NDST3: variants seen among roughly 807,000 people sequenced by gnomAD.
NDST3 encodes N-deacetylase and N-sulfotransferase 3.
Under a neutral mutation model 96.1 loss-of-function variants are expected in NDST3, and 58 were observed. The ratio of observed to expected loss-of-function variants is 0.60; its 90% CI spans 0.49 to 0.75. The LOEUF is 0.75. Ranked by LOEUF, NDST3 falls within the 30% of genes least tolerant of loss-of-function variation. The probability of loss-of-function intolerance (pLI) is 0.00; values close to 1 mark genes in which losing one functional copy is unlikely to be tolerated. For synonymous variants in NDST3, 333 were observed against 359.7 expected (o/e 0.93, Z 0.84); for missense variants, 788 against 1,034.2 (o/e 0.76, Z 3.27).
intron 9 of NDST3, among the ~76,000 whole-genome samples, chr4:118,236,204 C>A (rs1171292662): frequency 6.6e-6 from 1 of 152,184 alleles, no homozygotes; most frequent in Admixed American, 6.5e-5. Context: ...TAAAAAATCC[C>A]TTTTCCTCTA....
chr4:118,169,890 G>A (rs1735818516), intron 6 of NDST3, among the ~76,000 whole-genome samples: 1 of 152,070 alleles, frequency 6.6e-6, no homozygotes, highest in South Asian at 2.1e-4. Context: ...AAAACCAGGT[G>A]GCAGTGACTA....
chr4:118,138,624 G>A (rs569910896), intron 5 of NDST3, among the ~76,000 whole-genome samples: 1 of 152,202 alleles, frequency 6.6e-6, no homozygotes, highest in African/African-American at 2.4e-5. Flanking sequence ...GTCAAACTGT[G>A]TTCTTCTATT....
chr4:118,064,491 A>C (rs1283737826), intron 2 of NDST3, among the ~76,000 whole-genome samples: 2 of 152,142 alleles, frequency 1.3e-5, no homozygotes, highest in Non-Finnish European at 2.9e-5. Context: ...ACTGTTTATA[A>C]CCAAAGAAAT....
intron 3 of NDST3, 96 bp downstream of exon 3, chr4:118,105,201 A>G (rs906008358): frequency 1.3e-6 from 1 of 775,122 alleles, no homozygotes; most frequent in African/African-American, 1.8e-5. Flanking sequence ...TACATTCCCT[A>G]TGTTCCTCCC....
At chr4:118,097,160 A>AC (rs766393395) in intron 2 of NDST3, among the ~76,000 whole-genome samples, 8 of 151,904 alleles carry the variant, frequency 5.3e-5, no homozygotes, top group Non-Finnish European at 1.0e-4. Context: ...TTATCTGGGC[A>AC]CCCCATAGCT....
In NDST3 at chr4:118,143,637, A is replaced by G; in HGVS notation, c.1492A>G (p.Lys498Glu). The change falls in exon 6 of 14, where the codon AAG becomes GAG. Residue 498 changes from lysine (K) to glutamate (E), a missense_variant. Transcript: ENST00000296499. ...TCCAGGGGGTCCTAAAGAGCTGGAT[A>G]AGAGTATCCAAGGAGGAGAACTTTT... ...EYPGGPKELD[K>E]SIQGGELFFT... 6.2e-7 allele frequency: 1 copy of G among 1,608,666 alleles called. No homozygotes were observed. Among genetic ancestry groups the G allele is most frequent in the South Asian group, 1.1e-5 (1 of 89,310 alleles).
At chr4:118,188,214 A>G (rs189656850) in intron 6 of NDST3, among the ~76,000 whole-genome samples, 1 of 151,426 alleles carries the variant, frequency 6.6e-6, no homozygotes, top group Admixed American at 6.6e-5. Flanking sequence ...GGTTTAACAA[A>G]CCAAACATTG....
chr4:118,147,276 C>A (rs914693194), intron 6 of NDST3, among the ~76,000 whole-genome samples: 6 of 152,120 alleles, frequency 3.9e-5, no homozygotes, highest in African/African-American at 1.4e-4. Context: ...CAGAAACAGA[C>A]CTCAGAGTGT....
intron 6 of NDST3, among the ~76,000 whole-genome samples, chr4:118,161,586 A>C (rs1008124252): frequency 3.3e-5 from 5 of 152,096 alleles, no homozygotes; most frequent in Non-Finnish European, 5.9e-5. Flanking sequence ...GTGGGCGCCT[A>C]TCCCCCAGCC....
At chr4:118,174,167 G>A (rs1040313122) in intron 6 of NDST3, among the ~76,000 whole-genome samples, 5 of 152,206 alleles carry the variant, frequency 3.3e-5, no homozygotes, top group African/African-American at 9.6e-5. Context: ...TGCGTCAGAA[G>A]CACAGCTTCG....
chr4:118,152,507 A>G (rs1249872125), intron 6 of NDST3, among the ~76,000 whole-genome samples: 1 of 152,112 alleles, frequency 6.6e-6, no homozygotes, highest in East Asian at 1.9e-4. Context: ...ATTTTTCTGG[A>G]CCACAGTTGA....
chr4:118,149,900 G>A (rs925317629), intron 6 of NDST3, among the ~76,000 whole-genome samples: 8 of 151,764 alleles, frequency 5.3e-5, no homozygotes, highest in African/African-American at 1.7e-4. Flanking sequence ...GTTTGTCATA[G>A]ATAGCTCTTA....
chr4:118,213,820 T>G (rs1351852114), intron 6 of NDST3, among the ~76,000 whole-genome samples: 1 of 151,858 alleles, frequency 6.6e-6, no homozygotes, highest in Non-Finnish European at 1.5e-5. Flanking sequence ...TTCTGTTTTT[T>G]ACCTTGACTG....
intron 13 of NDST3, among the ~76,000 whole-genome samples, chr4:118,255,027 C>T (rs1173122319): frequency 6.6e-6 from 1 of 152,104 alleles, no homozygotes; most frequent in Non-Finnish European, 1.5e-5. Flanking sequence ...TATAGTATTT[C>T]AAGAAAGTAA....
intron 6 of NDST3, among the ~76,000 whole-genome samples, chr4:118,156,147 T>C (rs1734697033): frequency 1.3e-5 from 2 of 152,182 alleles, no homozygotes; most frequent in African/African-American, 4.8e-5. Flanking sequence ...TAATTTCTTA[T>C]ATGCACCTTT....
At chr4:118,237,024 G>A in intron 9 of NDST3, 22 bp from the exon 10 acceptor site, 2 of 1,538,316 alleles carry the variant, frequency 1.3e-6, no homozygotes, top group Non-Finnish European at 1.8e-6. Context: ...ATCTTATTTT[G>A]AGAAAAATAT....
chr4:118,131,634 C>A (rs10012359), intron 4 of NDST3, among the ~76,000 whole-genome samples: 4,344 of 152,080 alleles, frequency 0.029, 225 homozygotes, highest in African/African-American at 0.099. Context: ...GGTCATTTTC[C>A]TGGATCATCT....
At chr4:118,241,880 C>G (rs1199288860) in intron 11 of NDST3, among the ~76,000 whole-genome samples, 160 bp from the exon 12 acceptor site, 2 of 152,128 alleles carry the variant, frequency 1.3e-5, no homozygotes, top group African/African-American at 4.8e-5. Context: ...TTTCTTATTC[C>G]AGGTCATTAA....
intron 4 of NDST3, among the ~76,000 whole-genome samples, chr4:118,116,586 A>T (rs968553050): frequency 9.2e-5 from 14 of 152,198 alleles, no homozygotes; most frequent in African/African-American, 3.1e-4. Context: ...GGCTGGGTGC[A>T]GTGGCTCATG....
Sources: allele counts gnomAD v4.1 joint callset (sites outside exome capture counted in the v4.1 genomes callset), GRCh38; gene constraint gnomAD v4.1.1; transcripts MANE v1.5; gene names NCBI Gene and HGNC (gene_info 2026-07-23, HGNC 2026-07-21).